The following PTPRD variants were observed in gnomAD, a reference collection of about 807,000 sequenced individuals.
PTPRD encodes the protein protein tyrosine phosphatase receptor type D, also known as receptor-type tyrosine-protein phosphatase delta.
PTPRD carries 34 observed loss-of-function variants against 214.5 expected under a neutral mutation model. That is an observed-to-expected ratio of 0.16 (90% CI 0.12 to 0.21). The LOEUF is 0.21. Ranked by LOEUF, PTPRD falls within the 10% of genes least tolerant of loss-of-function variation. The probability of loss-of-function intolerance (pLI) is 1.00; values close to 1 mark genes in which losing one functional copy is unlikely to be tolerated. For missense variants in PTPRD, 2,545 were observed against 2,398.7 expected, an observed-to-expected ratio of 1.06 and a Z score of -1.27; for synonymous variants, 1,128 against 845.7, an observed-to-expected ratio of 1.33 and a Z score of -5.79.
intron 8 of PTPRD, among the ~76,000 whole-genome samples, chr9:9,432,004 T>C (rs1157941070): frequency 6.7e-6 from 1 of 150,352 alleles, no homozygotes; most frequent in Non-Finnish European, 1.5e-5. Context: ...TATACATACG[T>C]AACAAACCTG....
chr9:10,533,160 T>C (rs2056874293), intron 2 of PTPRD, among the ~76,000 whole-genome samples: 1 of 152,104 alleles, frequency 6.6e-6, no homozygotes, highest in East Asian at 1.9e-4. Context: ...CAGGTTCCAT[T>C]CCTGCTTTCC....
At chr9:8,969,153 T>TA (rs1438878929) in intron 11 of PTPRD, among the ~76,000 whole-genome samples, 12 of 152,082 alleles carry the variant, frequency 7.9e-5, no homozygotes, top group African/African-American at 2.9e-4. Flanking sequence ...TTCATATCGT[T>TA]AGAGAAACAG....
chr9:9,343,757 C>T (rs1190684524), intron 9 of PTPRD, among the ~76,000 whole-genome samples: 1 of 151,552 alleles, frequency 6.6e-6, no homozygotes, highest in Non-Finnish European at 1.5e-5. Context: ...TCTATTTCCA[C>T]AGTGAAATGA....
intron 7 of PTPRD, among the ~76,000 whole-genome samples, chr9:9,614,021 A>G (rs1276663122): frequency 1.3e-5 from 2 of 152,136 alleles, no homozygotes; most frequent in Admixed American, 1.3e-4. Flanking sequence ...ATGTTGTCAT[A>G]ATAGAAGTGT....
At chr9:8,472,254 T>C (rs1015784558) in intron 30 of PTPRD, among the ~76,000 whole-genome samples, 2 of 152,130 alleles carry the variant, frequency 1.3e-5, no homozygotes, top group African/African-American at 4.8e-5. Flanking sequence ...CGTGGAGATT[T>C]ACTGTGAAAA....
chr9:10,149,279 T>C (rs1267087498), intron 3 of PTPRD, among the ~76,000 whole-genome samples: 1 of 152,146 alleles, frequency 6.6e-6, no homozygotes, highest in Non-Finnish European at 1.5e-5. Flanking sequence ...CATCAACAAC[T>C]CAAGATAGCA....
chr9:10,550,268 T>C (rs549294316), intron 2 of PTPRD, among the ~76,000 whole-genome samples: 120 of 152,312 alleles, frequency 7.9e-4, no homozygotes, highest in African/African-American at 2.7e-3. Flanking sequence ...GTACTTTCTT[T>C]TATACATATA....
At chr9:9,033,743 C>T (rs1194884623) in intron 10 of PTPRD, among the ~76,000 whole-genome samples, 2 of 151,948 alleles carry the variant, frequency 1.3e-5, no homozygotes, top group Non-Finnish European at 1.5e-5. Flanking sequence ...TAGTTACTTG[C>T]CCAGGTGGTC....
At chr9:10,240,263 C>T (rs1488819498) in intron 3 of PTPRD, among the ~76,000 whole-genome samples, 2 of 151,908 alleles carry the variant, frequency 1.3e-5, no homozygotes, top group African/African-American at 2.4e-5. Context: ...CTGAAGGCTC[C>T]CATGCTATGT....
intron 3 of PTPRD, among the ~76,000 whole-genome samples, chr9:10,278,173 A>G (rs943415983): frequency 6.6e-5 from 10 of 152,150 alleles, no homozygotes; most frequent in Non-Finnish European, 1.5e-4. Flanking sequence ...AAAACAAAAC[A>G]AAAGGGTGCT....
chr9:8,808,462 C>CTT (rs34627797), intron 11 of PTPRD, among the ~76,000 whole-genome samples: 1,428 of 98,690 alleles, frequency 0.014, 17 homozygotes, highest in African/African-American at 0.053. Flanking sequence ...AGCCCCCCAC[C>CTT]TTTTTTTTTT....
chr9:9,160,914 T>C (rs901591435), intron 10 of PTPRD, among the ~76,000 whole-genome samples: 5 of 152,128 alleles, frequency 3.3e-5, no homozygotes, highest in African/African-American at 1.2e-4. Context: ...CTAAGTGAAA[T>C]AAACCAGGCA....
At chr9:9,709,586 A>G (rs1361993015) in intron 7 of PTPRD, among the ~76,000 whole-genome samples, 1 of 152,082 alleles carries the variant, frequency 6.6e-6, no homozygotes, top group East Asian at 1.9e-4. Context: ...AATACATACT[A>G]CAAACCTTGC....
At chr9:9,556,290 G>C (rs926980952) in intron 8 of PTPRD, among the ~76,000 whole-genome samples, 1 of 152,154 alleles carries the variant, frequency 6.6e-6, no homozygotes, top group African/African-American at 2.4e-5. Context: ...TTCACACTGA[G>C]TAAGTTGAAG....
At chr9:8,414,803 C>G (rs533915486) in intron 35 of PTPRD, among the ~76,000 whole-genome samples, 8 of 149,566 alleles carry the variant, frequency 5.3e-5, no homozygotes, top group African/African-American at 2.0e-4. Context: ...AGGCAAGCTT[C>G]ATGACAGTGT....
intron 11 of PTPRD, among the ~76,000 whole-genome samples, chr9:8,865,539 G>A (rs966886522): frequency 1.3e-5 from 2 of 152,060 alleles, no homozygotes; most frequent in African/African-American, 2.4e-5. Context: ...AATTTCCCCT[G>A]CTCCTGGGCT....
At chr9:8,653,478 T>C (rs2096852402) in intron 12 of PTPRD, among the ~76,000 whole-genome samples, 1 of 152,098 alleles carries the variant, frequency 6.6e-6, no homozygotes, top group African/African-American at 2.4e-5. Context: ...GTCAAACAGC[T>C]CCCACCAGTG....
intron 3 of PTPRD, among the ~76,000 whole-genome samples, chr9:10,275,685 G>C (rs1188337333): frequency 1.3e-5 from 2 of 152,080 alleles, no homozygotes; most frequent in African/African-American, 2.4e-5. Context: ...TAGAAACTAG[G>C]TTAAGTTCAC....
intron 3 of PTPRD, among the ~76,000 whole-genome samples, chr9:10,204,872 A>T (rs1160688345): frequency 6.6e-6 from 1 of 152,216 alleles, no homozygotes; most frequent in Non-Finnish European, 1.5e-5. Flanking sequence ...CAGGTACACA[A>T]CAAGTCTAGG....
Sources: allele counts gnomAD v4.1 joint callset (sites outside exome capture counted in the v4.1 genomes callset), GRCh38; gene constraint gnomAD v4.1.1; transcripts MANE v1.5; gene names NCBI Gene and HGNC (gene_info 2026-07-23, HGNC 2026-07-21).